Variants in NKAIN3 observed in about 807,000 individuals in gnomAD.
NKAIN3 encodes the protein sodium/potassium-transporting ATPase subunit beta-1-interacting protein 3.
NKAIN3 carries 25 observed loss-of-function variants against 30.2 expected under a neutral mutation model. The ratio of observed to expected loss-of-function variants is 0.83; its 90% CI spans 0.60 to 1.16. The LOEUF (loss-of-function observed/expected upper bound fraction) is 1.16, where lower values mean the gene tolerates loss of function less well. Among genes scored for constraint, NKAIN3 ranks in the 50% most tolerant of loss-of-function variants. NKAIN3 has a pLI of 0.00. For missense variants in NKAIN3, 225 were observed against 254.1 expected, an observed-to-expected ratio of 0.89 and a Z score of 0.78; for synonymous variants, 91 against 89.6, an observed-to-expected ratio of 1.02 and a Z score of -0.09.
intron 3 of NKAIN3, among the ~76,000 whole-genome samples, chr8:62,653,285 G>C (rs1812677466): frequency 6.6e-6 from 1 of 152,022 alleles, no homozygotes; most frequent in Admixed American, 6.6e-5. Flanking sequence ...AAGTAGCAGA[G>C]AGAGAGAGAG....
intron 1 of NKAIN3, among the ~76,000 whole-genome samples, chr8:62,407,410 T>TTG (rs1473891451): frequency 3.2e-5 from 1 of 30,878 alleles, no homozygotes; most frequent in East Asian, 1.1e-3. Context: ...TGTTTTTTTT[T>TTG]TTTTTTTTTG....
chr8:62,446,943 T>A (rs913950377), intron 1 of NKAIN3, among the ~76,000 whole-genome samples: 1 of 152,068 alleles, frequency 6.6e-6, no homozygotes, highest in Non-Finnish European at 1.5e-5. Context: ...CTTTCATGTA[T>A]ATCTATATAT....
intron 4 of NKAIN3, among the ~76,000 whole-genome samples, chr8:62,893,304 G>A (rs1007417141): frequency 6.6e-6 from 1 of 152,142 alleles, no homozygotes; most frequent in Non-Finnish European, 1.5e-5. Context: ...TGATTGCACT[G>A]TTTCAAGGAG....
chr8:62,944,207 T>G (rs1324635877), intron 5 of NKAIN3, among the ~76,000 whole-genome samples: 2 of 152,190 alleles, frequency 1.3e-5, no homozygotes, highest in African/African-American at 2.4e-5. Flanking sequence ...TGGCACCTTT[T>G]TCATAAATCA....
At chr8:62,734,950 C>A (rs558877563) in intron 3 of NKAIN3, among the ~76,000 whole-genome samples, 1 of 152,140 alleles carries the variant, frequency 6.6e-6, no homozygotes, top group East Asian at 1.9e-4. Context: ...CTGGCTTGTG[C>A]GGTTTCTGCT....
intron 4 of NKAIN3, among the ~76,000 whole-genome samples, chr8:62,904,622 G>A (rs1821722888): frequency 6.6e-6 from 1 of 152,198 alleles, no homozygotes; most frequent in East Asian, 1.9e-4. Flanking sequence ...GGGAACTTCA[G>A]AATTGCTACC....
intron 4 of NKAIN3, among the ~76,000 whole-genome samples, chr8:62,760,079 C>T (rs1465984299): frequency 2.6e-5 from 4 of 152,088 alleles, no homozygotes; most frequent in Non-Finnish European, 5.9e-5. Flanking sequence ...CAATGAGATA[C>T]CATCTCATGC....
At chr8:62,815,137 C>T (rs1196812225) in intron 4 of NKAIN3, among the ~76,000 whole-genome samples, 2 of 152,142 alleles carry the variant, frequency 1.3e-5, no homozygotes, top group Non-Finnish European at 2.9e-5. Flanking sequence ...GGATAAATTC[C>T]TTGACACATA....
intron 4 of NKAIN3, among the ~76,000 whole-genome samples, chr8:62,786,068 A>AC (rs1817507424): frequency 6.6e-6 from 1 of 151,334 alleles, no homozygotes; most frequent in East Asian, 2.0e-4. Context: ...CCACCACCAC[A>AC]CCCCCCTCCC....
chr8:62,637,175 C>T (rs1366177039), intron 3 of NKAIN3, among the ~76,000 whole-genome samples: 2 of 152,270 alleles, frequency 1.3e-5, no homozygotes, highest in East Asian at 3.9e-4. Context: ...GGATAAAGTT[C>T]AGTGTCTCTC....
intron 1 of NKAIN3, among the ~76,000 whole-genome samples, chr8:62,480,025 T>A (rs184629729): frequency 1.5e-4 from 23 of 152,334 alleles, no homozygotes; most frequent in African/African-American, 5.5e-4. Context: ...TTTGTTTTTA[T>A]ATAGCATCTC....
At chr8:62,297,975 A>T (rs187272980) in intron 1 of NKAIN3, among the ~76,000 whole-genome samples, 2 of 152,244 alleles carry the variant, frequency 1.3e-5, no homozygotes, top group Admixed American at 1.3e-4. Flanking sequence ...CATATATACC[A>T]TGGAATACTA....
intron 1 of NKAIN3, among the ~76,000 whole-genome samples, chr8:62,374,886 C>T (rs1223938628): frequency 6.6e-6 from 1 of 152,146 alleles, no homozygotes; most frequent in Non-Finnish European, 1.5e-5. Context: ...AAAAGATAAT[C>T]ACAACTAAAT....
At chr8:62,667,796 G>A (rs997645726) in intron 3 of NKAIN3, among the ~76,000 whole-genome samples, 9 of 152,022 alleles carry the variant, frequency 5.9e-5, no homozygotes, top group East Asian at 1.9e-4. Flanking sequence ...GGCCTTTACC[G>A]CCTCACATGA....
chr8:62,346,832 G>T (rs1023940971), intron 1 of NKAIN3, among the ~76,000 whole-genome samples: 31 of 152,068 alleles, frequency 2.0e-4, no homozygotes, highest in Non-Finnish European at 8.8e-5. Context: ...ATAATTTAGT[G>T]ACTATCACAA....
chr8:62,693,226 A>G (rs928264368), intron 3 of NKAIN3, among the ~76,000 whole-genome samples: 1 of 152,214 alleles, frequency 6.6e-6, no homozygotes, highest in African/African-American at 2.4e-5. Context: ...AGATGGTTTT[A>G]CTGATGTCTT....
At chr8:62,273,125 C>T (rs1208941555) in intron 1 of NKAIN3, among the ~76,000 whole-genome samples, 2 of 152,112 alleles carry the variant, frequency 1.3e-5, no homozygotes, top group Non-Finnish European at 2.9e-5. Context: ...ATATTCGGCT[C>T]TTGGGCCATA....
intron 1 of NKAIN3, among the ~76,000 whole-genome samples, chr8:62,249,743 C>T (rs1397585075): frequency 6.6e-6 from 1 of 152,190 alleles, no homozygotes; most frequent in African/African-American, 2.4e-5. Flanking sequence ...TGAAATGTTG[C>T]ATGTTCAGGC....
chr8:62,818,507 T>TATGCCA (rs1250321813), intron 4 of NKAIN3, among the ~76,000 whole-genome samples: 3 of 152,134 alleles, frequency 2.0e-5, no homozygotes, highest in Admixed American at 2.0e-4. Flanking sequence ...ATCATATTTC[T>TATGCCA]ATGCCAACTT....
Sources: allele counts gnomAD v4.1 joint callset (sites outside exome capture counted in the v4.1 genomes callset), GRCh38; gene constraint gnomAD v4.1.1; transcripts MANE v1.5; gene names NCBI Gene and HGNC (gene_info 2026-07-23, HGNC 2026-07-21).